The following C7 variants were observed in gnomAD, a reference collection of about 807,000 sequenced individuals.
C7 encodes complement component C7.
Under a neutral mutation model 104.8 loss-of-function variants are expected in C7, and 83 were observed. The ratio of observed to expected loss-of-function variants is 0.79; its 90% CI spans 0.66 to 0.95. The LOEUF (loss-of-function observed/expected upper bound fraction) is 0.95. Among genes scored for constraint, C7 ranks in the 40% least tolerant of loss-of-function variants. The pLI, the probability that C7 is intolerant of heterozygous loss-of-function variation, is 0.00. For synonymous variants in C7, 415 were observed against 360.6 expected, an observed-to-expected ratio of 1.15 and a Z score of -1.71; for missense variants, 1,070 against 1,011.2, an observed-to-expected ratio of 1.06 and a Z score of -0.79.
intron 6 of C7, among the ~76,000 whole-genome samples, chr5:40,944,359 C>G (rs1447614535): frequency 1.3e-5 from 2 of 152,156 alleles, no homozygotes; most frequent in East Asian, 1.9e-4. Context: ...AAATTTATCC[C>G]TTGGAAAAAA....
At chr5:40,957,489 C>T (rs1252456413) in intron 10 of C7, among the ~76,000 whole-genome samples, 2 of 152,042 alleles carry the variant, frequency 1.3e-5, no homozygotes, top group Admixed American at 1.3e-4. Flanking sequence ...GAGTTTCACT[C>T]TTGTTGCCCA....
chr5:40,929,527 A>G (rs2455306), intron 2 of C7, among the ~76,000 whole-genome samples: 3,827 of 152,294 alleles, frequency 0.025, 176 homozygotes, highest in African/African-American at 0.086. Flanking sequence ...CATTACTTTC[A>G]GAGTAACCTG....
Position 40,984,184 on chromosome 5 carries a change from G to T in C7, c.*2611G>T, listed in dbSNP as rs77189730. Among the ~76,000 whole-genome samples the T allele has an allele frequency of 0.013, 2,038 of 152,270 alleles. 38 individuals carry two copies. Among genetic ancestry groups the T allele is most frequent in the African/African-American group, 0.047 (1,940 of 41,550 alleles). On this transcript the variant is annotated 3_prime_UTR_variant, in exon 18 of 18. Coordinates refer to ENST00000313164, the MANE Select transcript of C7 (RefSeq NM_000587.4). ...GTAGTGCTGCTTCTCTAAGCCCTGA[G>T]ATTTAATGAGCCCCATTCAAACTGT... is the stretch of plus-strand genomic sequence containing the variant.
At position 40,934,359 on chromosome 5, in the gene C7, A is replaced by G. The variant is rs1223354489; in HGVS notation, c.173A>G (p.Tyr58Cys). The G allele has an allele frequency of 3.7e-6, 6 of 1,613,590 alleles. No individual in the cohort carries two copies. The highest frequency in any genetic ancestry group is 3.3e-5 in the Admixed American group (2 of 59,980). Residue 58 changes from tyrosine (Y) to cysteine (C), a missense_variant, in exon 4 of 18, where the codon TAT becomes TGT. By Grantham distance (194) the Tyr-to-Cys change is radical (BLOSUM62 -2). Coordinates refer to ENST00000313164, the MANE Select transcript of C7 (RefSeq NM_000587.4). ...CGGTCAGTTGCTGTGTATGGGCAGTATGGAGGCCAGCCTTGTGTTGGAAAT... is the reference window on the plus strand; with the variant it reads ...CGGTCAGTTGCTGTGTATGGGCAGTGTGGAGGCCAGCCTTGTGTTGGAAAT... Reference protein sequence around the residue: ...RRRSVAVYGQYGGQPCVGNAF... With the variant: ...RRRSVAVYGQCGGQPCVGNAF...
At position 40,937,670 on chromosome 5, in the gene C7, G is replaced by A. The variant is rs1197451397; in HGVS notation, c.547G>A (p.Val183Ile). ...AGATTTCTACAGGCTGAGTGGAAATGTCCTGTCCTATACATTCCAGGTACT... is the reference window on the plus strand; with the variant it reads ...AGATTTCTACAGGCTGAGTGGAAATATCCTGTCCTATACATTCCAGGTACT... ...GKDFYRLSGN[V>I]LSYTFQVKIN... The change falls in exon 6 of 18, where the codon GTC (valine) becomes ATC (isoleucine). Residue 183 changes from valine (V) to isoleucine (I), a missense_variant. By Grantham distance (29) the Val-to-Ile change is conservative (BLOSUM62 3). Coordinates refer to ENST00000313164, the MANE Select transcript of C7 (RefSeq NM_000587.4). 1.9e-6 allele frequency: 3 copies of A among 1,594,888 alleles called. No individual in the cohort carries two copies. Among genetic ancestry groups the A allele is most frequent in the Admixed American group, 1.8e-5 (1 of 56,640 alleles).
chr5:40,973,601 C>T lies in C7; in HGVS notation c.2074+1007C>T, dbSNP rs371040918. Among the ~76,000 whole-genome samples, 4 of 152,284 alleles carry T rather than the reference C, an allele frequency of 2.6e-5. No homozygotes were observed. The East Asian group carries it at 5.8e-4, about 22-fold the overall frequency. On this transcript the variant is annotated intron_variant, in intron 15 of 17. Coordinates refer to ENST00000313164, the MANE Select transcript of C7 (RefSeq NM_000587.4). ...AGACACACGTCCTTGGAGTGCCCTC[C>T]CTGCCTGTCCTGATGTGCTGTTAAG...
At chr5:40,976,961 G>A (rs1344059021) in intron 16 of C7, 121 bp downstream of exon 16, 5 of 719,516 alleles carry the variant, frequency 6.9e-6, no homozygotes, top group Non-Finnish European at 1.1e-5. Context: ...GTCTTTGTTT[G>A]CATTTCGATG....
chr5:40,954,479 A>G (rs1380880344), intron 9 of C7, among the ~76,000 whole-genome samples: 2 of 152,352 alleles, frequency 1.3e-5, no homozygotes, highest in African/African-American at 2.4e-5. Flanking sequence ...TCTAAGAAGA[A>G]CATTCTCTTG....
chr5:40,940,065 C>A (rs1019498744), intron 6 of C7, among the ~76,000 whole-genome samples: 1 of 152,122 alleles, frequency 6.6e-6, no homozygotes, highest in Non-Finnish European at 1.5e-5. Context: ...GGTGTGGACG[C>A]GGAGGTGGTG....
intron 1 of C7, among the ~76,000 whole-genome samples, chr5:40,912,090 T>A (rs1389859572): frequency 1.3e-5 from 2 of 152,168 alleles, no homozygotes; most frequent in African/African-American, 2.4e-5. Flanking sequence ...TAGAGTCAGT[T>A]CAGATGTATG....
At chr5:40,950,095 T>A in intron 9 of C7, 81 bp downstream of exon 9, 1 of 778,230 alleles carries the variant, frequency 1.3e-6, no homozygotes, top group Non-Finnish European at 2.1e-6. Flanking sequence ...CGCGTGAAGT[T>A]ATGTAGGTAA....
At chr5:40,972,681 T>C (rs1418070534) in intron 15 of C7, 87 bp downstream of exon 15, 1 of 1,013,644 alleles carries the variant, frequency 9.9e-7, no homozygotes, top group South Asian at 1.8e-5. Context: ...TGTATCACCA[T>C]AGCTGTGAGT....
At chr5:40,941,528 T>A (rs1739936826) in intron 6 of C7, among the ~76,000 whole-genome samples, 2 of 151,434 alleles carry the variant, frequency 1.3e-5, no homozygotes, top group Non-Finnish European at 2.9e-5. Context: ...AGTCAGAGAG[T>A]TTAAGAAGGG....
intron 1 of C7, among the ~76,000 whole-genome samples, chr5:40,911,871 T>G (rs1443832445): frequency 6.6e-6 from 1 of 151,790 alleles, no homozygotes; most frequent in Non-Finnish European, 1.5e-5. Flanking sequence ...CCTGAGTAGC[T>G]GGGGCTACAG....
intron 6 of C7, among the ~76,000 whole-genome samples, chr5:40,938,419 T>C (rs1033174645): frequency 6.6e-6 from 1 of 152,234 alleles, no homozygotes; most frequent in Non-Finnish European, 1.5e-5. Flanking sequence ...GATTTACTCA[T>C]GCTGTTGCAG....
chr5:40,959,499 C>A lies in C7; in HGVS notation c.1540C>A (p.Gln514Lys), dbSNP rs1366208136. 1.2e-5 allele frequency: 19 copies of A among 1,611,018 alleles called. No homozygotes were observed. Among genetic ancestry groups the A allele is most frequent in the Non-Finnish European group, 1.6e-5 (19 of 1,179,180 alleles). The change falls in exon 12 of 18, where the codon CAA becomes AAA. Residue 514 changes from glutamine to lysine, a missense_variant. Transcript: ENST00000313164. ...SCWSSWSPCV[Q>K]GKKTRSRECN... Reference sequence around the variant, plus strand: ...CTGGTCCTCTTGGAGCCCCTGTGTCCAAGGGAAGAAAACAAGAAGCCGTGA... The same window carrying A: ...CTGGTCCTCTTGGAGCCCCTGTGTCAAAGGGAAGAAAACAAGAAGCCGTGA...
rs2111637665 is a variant in C7, at chr5:40,950,019, A to G, written c.1093+5A>G. 3 of 1,540,416 alleles carry G rather than the reference A, an allele frequency of 1.9e-6. No homozygotes were observed. Among genetic ancestry groups the G allele is most frequent in the African/African-American group, 1.4e-5 (1 of 73,106 alleles). On this transcript the variant is annotated splice_donor_5th_base_variant and intron_variant, in intron 9 of 17. Coordinates refer to ENST00000313164, the MANE Select transcript of C7 (RefSeq NM_000587.4). ...ACGCTTTAAAAGCTGCTTCAGGTAAATGGAAAAAGAGCAGTTTGCATTGCA... is the reference window on the plus strand; with the variant it reads ...ACGCTTTAAAAGCTGCTTCAGGTAAGTGGAAAAAGAGCAGTTTGCATTGCA...
chr5:40,938,201 C>G (rs1739856927), intron 6 of C7, among the ~76,000 whole-genome samples: 1 of 152,134 alleles, frequency 6.6e-6, no homozygotes, highest in African/African-American at 2.4e-5. Flanking sequence ...CTATGCCCCT[C>G]TCTGATCACA....
At chr5:40,921,195 G>T (rs768333775) in intron 1 of C7, among the ~76,000 whole-genome samples, 5 of 151,816 alleles carry the variant, frequency 3.3e-5, no homozygotes, top group Non-Finnish European at 7.4e-5. Flanking sequence ...AGAAAATCAA[G>T]AAATAAATTC....
Sources: gnomAD v4.1 joint callset for allele counts (sites outside exome capture counted in the v4.1 genomes callset) on GRCh38, gnomAD v4.1.1 for gene constraint, MANE v1.5 for transcripts, NCBI Gene and HGNC (gene_info 2026-07-23, HGNC 2026-07-21) for gene names.